The following FSTL5 variants were observed in gnomAD, a reference collection of about 807,000 sequenced individuals.
The protein encoded by FSTL5 is follistatin-related protein 5.
A neutral mutation model predicts 89.1 loss-of-function variants in FSTL5; 62 were observed. The observed-to-expected ratio is 0.70, with a 90% CI of 0.57 to 0.86. FSTL5 has a LOEUF of 0.86. Among genes scored for constraint, FSTL5 ranks in the 40% least tolerant of loss-of-function variants. The probability of loss-of-function intolerance (pLI) is 0.00; values close to 1 mark genes in which losing one functional copy is unlikely to be tolerated. For missense variants in FSTL5, 1,057 were observed against 1,001.6 expected (o/e 1.06, Z -0.75); for synonymous variants, 383 against 346.2 (o/e 1.11, Z -1.18).
chr4:161,957,259 T>C (rs1209788991), intron 3 of FSTL5, among the ~76,000 whole-genome samples: 1 of 152,002 alleles, frequency 6.6e-6, no homozygotes, highest in African/African-American at 2.4e-5. Context: ...TAAAAGTACA[T>C]ACCAATTCAA....
chr4:161,409,195 T>C (rs1324618554), intron 15 of FSTL5, among the ~76,000 whole-genome samples: 3 of 152,064 alleles, frequency 2.0e-5, no homozygotes, highest in Admixed American at 1.3e-4. Flanking sequence ...GAGAACTTTA[T>C]TGGGCTAGCA....
At chr4:162,016,196 T>C (rs2111144138) in intron 3 of FSTL5, among the ~76,000 whole-genome samples, 1 of 152,300 alleles carries the variant, frequency 6.6e-6, no homozygotes, top group African/African-American at 2.4e-5. Context: ...CAGATAGCAC[T>C]GAGTTTCTGT....
At chr4:161,985,725 T>C (rs1381727122) in intron 3 of FSTL5, among the ~76,000 whole-genome samples, 1 of 151,930 alleles carries the variant, frequency 6.6e-6, no homozygotes, top group Non-Finnish European at 1.5e-5. Flanking sequence ...TGATGACACA[T>C]TATACTTTCC....
At chr4:161,880,570 G>A (rs1732595916) in intron 4 of FSTL5, among the ~76,000 whole-genome samples, 1 of 152,068 alleles carries the variant, frequency 6.6e-6, no homozygotes, top group Non-Finnish European at 1.5e-5. Context: ...AAATAAAAAT[G>A]TATGTCCACA....
intron 3 of FSTL5, among the ~76,000 whole-genome samples, chr4:161,958,862 AT>A (rs1342741765): frequency 4.6e-5 from 7 of 152,096 alleles, no homozygotes; most frequent in Non-Finnish European, 8.8e-5. Flanking sequence ...GTTGTCTGGT[AT>A]TTTTTGCTGT....
chr4:161,909,374 C>G lies in FSTL5; in HGVS notation c.409+11030G>C, dbSNP rs193187426. 7.6e-4 allele frequency among the ~76,000 whole-genome samples: 115 copies of G among 152,152 alleles called. 1 individual carries two copies. The highest frequency in any genetic ancestry group is 2.2e-3 in the African/African-American group (93 of 41,524). ...ATAAAACTCCTGGTTAAAACTAATT[C>G]TTCAATTACTCAGTGCATTAATCTA... On this transcript the variant is annotated intron_variant, in intron 4 of 15. Coordinates refer to ENST00000306100, the MANE Select transcript of FSTL5 (RefSeq NM_020116.5).
intron 4 of FSTL5, among the ~76,000 whole-genome samples, chr4:161,892,277 G>A (rs1733012039): frequency 6.6e-6 from 1 of 151,832 alleles, no homozygotes; most frequent in African/African-American, 2.4e-5. Flanking sequence ...CCTTCTTAGT[G>A]ACAGTCCCAT....
At chr4:161,422,951 T>C (rs957489846) in intron 15 of FSTL5, among the ~76,000 whole-genome samples, 3 of 152,246 alleles carry the variant, frequency 2.0e-5, no homozygotes, top group African/African-American at 7.2e-5. Flanking sequence ...AAGCTGTTTA[T>C]GGAGACCACA....
intron 2 of FSTL5, among the ~76,000 whole-genome samples, chr4:162,053,395 AGAGAAGCGCTTCATCTTT>A (rs1738444402): frequency 6.6e-6 from 1 of 151,814 alleles, no homozygotes. Flanking sequence ...CCTTTGCAGC[AGAGAAGCGCTTCATCTTT>A]GAGAATCTGT....
rs1349633658 is a variant in FSTL5 at position 162,123,251 on chromosome 4, TAAAACTGA to T, written c.-16-11847_-16-11840del. ...GGAACAACTTAATTTCCTCTGTATT[TAAAACTGA>T]AATGCCACGGGGAAAACTTGCCCAT... On this transcript the variant is annotated intron_variant, in intron 1 of 15. Coordinates refer to ENST00000306100, the MANE Select transcript of FSTL5 (RefSeq NM_020116.5). Among the ~76,000 whole-genome samples, 5 of 152,100 alleles carry T rather than the reference TAAAACTGA, an allele frequency of 3.3e-5. No individual in the cohort carries two copies. The South Asian group carries it at 1.0e-3, about 32-fold the overall frequency.
intron 4 of FSTL5, among the ~76,000 whole-genome samples, chr4:161,828,928 A>C (rs1037859909): frequency 1.3e-5 from 2 of 151,992 alleles, no homozygotes; most frequent in Admixed American, 1.3e-4. Flanking sequence ...AAAACCACTA[A>C]AGAAGTTTTT....
At chr4:161,650,055 A>C (rs1736282401) in intron 7 of FSTL5, among the ~76,000 whole-genome samples, 1 of 152,246 alleles carries the variant, frequency 6.6e-6, no homozygotes, top group Admixed American at 6.5e-5. Flanking sequence ...GTTTTATAAA[A>C]TAGTAAAGTC....
chr4:162,056,389 C>T lies in FSTL5; in HGVS notation c.127-22731G>A, dbSNP rs531070435. On this transcript the variant is annotated intron_variant, in intron 2 of 15. Transcript: ENST00000306100. ...TAAGCACTAACTATATTTTAGCATG[C>T]AGGTATTCTTGGAGATAGCAAATCC... Among the ~76,000 whole-genome samples, 4 of 151,476 alleles carry T rather than the reference C, an allele frequency of 2.6e-5. No homozygotes were observed. The East Asian group carries it at 7.8e-4, about 29-fold the overall frequency.
chr4:161,705,697 A>C (rs1738542264), intron 6 of FSTL5, among the ~76,000 whole-genome samples: 1 of 151,704 alleles, frequency 6.6e-6, no homozygotes. Context: ...TTAAGATAAT[A>C]CCTGGTTCAC....
At chr4:161,387,955 A>T (rs2110866619) in intron 15 of FSTL5, 1 of 152,176 alleles carries the variant, frequency 6.6e-6, no homozygotes, top group Non-Finnish European at 1.5e-5. Flanking sequence ...TTAAACAACT[A>T]CTAAATGCAA....
intron 6 of FSTL5, among the ~76,000 whole-genome samples, chr4:161,739,543 C>T (rs1579059353): frequency 1.3e-5 from 2 of 152,244 alleles, no homozygotes; most frequent in East Asian, 3.9e-4. Flanking sequence ...TGTAGAACTG[C>T]ACATTTTCTA....
chr4:161,640,765 T>A (rs1158314195), intron 7 of FSTL5, among the ~76,000 whole-genome samples: 1 of 133,342 alleles, frequency 7.5e-6, no homozygotes, highest in Non-Finnish European at 1.5e-5. Context: ...CAGAAAACTC[T>A]CCCAATTTAA....
chr4:161,976,586 A>G (rs1735654323), intron 3 of FSTL5, among the ~76,000 whole-genome samples: 1 of 152,068 alleles, frequency 6.6e-6, no homozygotes, highest in East Asian at 1.9e-4. Flanking sequence ...TGTTCACGCC[A>G]TTCTCCCGCC....
chr4:161,443,451 G>C (rs773166307), intron 15 of FSTL5, among the ~76,000 whole-genome samples: 10 of 151,946 alleles, frequency 6.6e-5, no homozygotes, highest in African/African-American at 1.2e-4. Context: ...TCCAAAGTAT[G>C]AGTTTAAGAA....
Sources: gnomAD v4.1 joint callset for allele counts (sites outside exome capture counted in the v4.1 genomes callset) on GRCh38, gnomAD v4.1.1 for gene constraint, MANE v1.5 for transcripts, NCBI Gene and HGNC (gene_info 2026-07-23, HGNC 2026-07-21) for gene names.